RERE: variants seen among roughly 807,000 people sequenced by gnomAD.
The protein encoded by RERE is arginine-glutamic acid dipeptide repeats.
A neutral mutation model predicts 146.1 loss-of-function variants in RERE; 40 were observed. The observed-to-expected ratio is 0.27, with a 90% confidence interval of 0.21 to 0.36. RERE has a LOEUF of 0.36. Among genes scored for constraint, RERE ranks in the 10% least tolerant of loss-of-function variants. The pLI is 1.00. For synonymous variants in RERE, 1,003 were observed against 866.0 expected (o/e 1.16, Z -2.78); for missense variants, 1,933 against 2,138.7 (o/e 0.90, Z 1.90).
intron 1 of RERE, among the ~76,000 whole-genome samples, chr1:8,745,880 G>A (rs1263219162): frequency 6.6e-6 from 1 of 152,140 alleles, no homozygotes; most frequent in Non-Finnish European, 1.5e-5. Flanking sequence ...GACCAGCCTA[G>A]GCAACACAGG....
At chr1:8,363,764 C>A in intron 15 of RERE, 1 of 458,090 alleles carries the variant, frequency 2.2e-6, no homozygotes, top group South Asian at 3.0e-5. Flanking sequence ...AGTGACACCA[C>A]AAGCAGCAGC....
chr1:8,513,526 C>T (rs1050393335), intron 7 of RERE, among the ~76,000 whole-genome samples: 1 of 152,138 alleles, frequency 6.6e-6, no homozygotes, highest in Non-Finnish European at 1.5e-5. Flanking sequence ...TCAACAAGTT[C>T]CCGGCACTCT....
intron 11 of RERE, among the ~76,000 whole-genome samples, chr1:8,464,302 G>A (rs754076476): frequency 6.6e-5 from 10 of 151,986 alleles, no homozygotes; most frequent in Non-Finnish European, 1.0e-4. Flanking sequence ...CTCAGCCCTT[G>A]CCCACCCTCA....
intron 1 of RERE, among the ~76,000 whole-genome samples, chr1:8,731,777 TTTTTTTGTTTG>T (rs969495048): frequency 1.9e-4 from 4 of 20,960 alleles, no homozygotes; most frequent in Non-Finnish European, 3.2e-4. Flanking sequence ...AAACATAATG[TTTTTTTGTTTG>T]TTTGTTTGTT....
chr1:8,538,897 T>C lies in RERE; in HGVS notation c.830+2317A>G, dbSNP rs1210017085. ...ATATTTTAAAACAAACCCGATGGGA[T>C]GTATTGCCCTGAAAGACTGTCAGCA... On this transcript the variant is annotated intron_variant, in intron 7 of 22. Coordinates refer to ENST00000400908, the MANE Select transcript of RERE (RefSeq NM_001042681.2). 2.6e-5 allele frequency among the ~76,000 whole-genome samples: 4 copies of C among 152,344 alleles called. No individual in the cohort carries two copies. The East Asian group carries it at 7.7e-4, about 29-fold the overall frequency.
intron 1 of RERE, among the ~76,000 whole-genome samples, chr1:8,746,687 A>G (rs1384215477): frequency 6.6e-6 from 1 of 151,936 alleles, no homozygotes; most frequent in Non-Finnish European, 1.5e-5. Flanking sequence ...GGTCTGACTT[A>G]CATTACAATT....
chr1:8,571,295 G>C (rs568973128), intron 4 of RERE, among the ~76,000 whole-genome samples: 1 of 152,308 alleles, frequency 6.6e-6, no homozygotes, highest in African/African-American at 2.4e-5. Flanking sequence ...CCTAATTTAT[G>C]TGAATCTAGC....
chr1:8,598,131 G>A (rs1408442194), intron 4 of RERE, among the ~76,000 whole-genome samples: 2 of 152,182 alleles, frequency 1.3e-5, no homozygotes, highest in African/African-American at 4.8e-5. Flanking sequence ...ACATTACTGT[G>A]ACAGAATGCA....
intron 4 of RERE, among the ~76,000 whole-genome samples, chr1:8,558,186 G>A (rs1400824251): frequency 6.6e-6 from 1 of 152,202 alleles, no homozygotes; most frequent in Admixed American, 6.5e-5. Context: ...TGTGAATAAT[G>A]AAGAATTTTA....
intron 12 of RERE, among the ~76,000 whole-genome samples, chr1:8,398,269 AG>A (rs1286469364): frequency 1.3e-5 from 2 of 152,230 alleles, no homozygotes; most frequent in Admixed American, 6.5e-5. Flanking sequence ...GCAGTAGGGA[AG>A]GGGCTTGGAG....
Position 8,354,234 on chromosome 1 carries a change from G to A in RERE, c.*853C>T, listed in dbSNP as rs1253120946. 2.0e-5 allele frequency: 3 copies of A among 152,572 alleles called. No individual in the cohort carries two copies. Among genetic ancestry groups the A allele is most frequent in the African/African-American group, 2.4e-5 (1 of 41,446 alleles). 9.5% of individuals were successfully genotyped at this position (152,572 alleles called of 1,614,324 possible). A position where few individuals can be genotyped will look rare whatever the true frequency, so the allele number is the denominator to read the frequency against. On this transcript the variant is annotated 3_prime_UTR_variant, in exon 23 of 23. Transcript: ENST00000400908. ...ATGGAAGAGGTCTGATGGAGCAGATGTCTGTGCTGCTGGCAGAGCACAGGC... is the reference window on the plus strand; with the variant it reads ...ATGGAAGAGGTCTGATGGAGCAGATATCTGTGCTGCTGGCAGAGCACAGGC...
At chr1:8,515,247 A>G (rs1454402526) in intron 7 of RERE, among the ~76,000 whole-genome samples, 1 of 151,896 alleles carries the variant, frequency 6.6e-6, no homozygotes, top group East Asian at 1.9e-4. Flanking sequence ...CTATAATCCC[A>G]CCTACTCAGG....
intron 4 of RERE, among the ~76,000 whole-genome samples, chr1:8,594,675 T>C (rs1646534189): frequency 6.6e-6 from 1 of 152,152 alleles, no homozygotes; most frequent in Non-Finnish European, 1.5e-5. Context: ...TAAATAATAA[T>C]GTTTAAGACA....
chr1:8,702,465 C>A (rs947228546), intron 1 of RERE, among the ~76,000 whole-genome samples: 3 of 152,204 alleles, frequency 2.0e-5, no homozygotes, highest in African/African-American at 7.2e-5. Flanking sequence ...GCATCCCACA[C>A]TAAAAAATTC....
At chr1:8,743,831 G>C (rs1322296751) in intron 1 of RERE, among the ~76,000 whole-genome samples, 1 of 151,830 alleles carries the variant, frequency 6.6e-6, no homozygotes, top group Non-Finnish European at 1.5e-5. Flanking sequence ...CCAAATCTCA[G>C]CTTGCCATTT....
At chr1:8,371,350 T>C (rs1483872398) in intron 12 of RERE, among the ~76,000 whole-genome samples, 1 of 152,056 alleles carries the variant, frequency 6.6e-6, no homozygotes, top group Non-Finnish European at 1.5e-5. Flanking sequence ...GGCTATACAC[T>C]AAGATGGAGT....
In RERE at chr1:8,656,208, T is replaced by C; in HGVS notation, c.90A>G (p.Arg30=). The part of the protein sequence containing the change: ...DREREKRDKA[R]ESENSRPRRS... ...GGCGTGGCCTTGAATTCTCACTCTC[T>C]CTTGCTTTGTCTCTTTTCTCTCTCT... The change falls in exon 2 of 23, where the codon AGA becomes AGG. Residue 30 remains arginine (R), a synonymous_variant. Coordinates refer to ENST00000400908, the MANE Select transcript of RERE (RefSeq NM_001042681.2). 1 of 1,613,726 alleles carries C rather than the reference T, an allele frequency of 6.2e-7. No individual in the cohort carries two copies. Among genetic ancestry groups the C allele is most frequent in the Non-Finnish European group, 8.5e-7 (1 of 1,179,610 alleles).
At chr1:8,523,171 G>C (rs1236643390) in intron 7 of RERE, among the ~76,000 whole-genome samples, 3 of 152,056 alleles carry the variant, frequency 2.0e-5, no homozygotes, top group Non-Finnish European at 4.4e-5. Flanking sequence ...ATCCAGCCTG[G>C]GTGACAGCGT....
chr1:8,371,673 T>C (rs1570073629), intron 12 of RERE, among the ~76,000 whole-genome samples: 1 of 152,206 alleles, frequency 6.6e-6, no homozygotes, highest in Non-Finnish European at 1.5e-5. Context: ...TCTATCAAGT[T>C]CACACAGACA....
Sources: allele counts gnomAD v4.1 joint callset (sites outside exome capture counted in the v4.1 genomes callset), GRCh38; gene constraint gnomAD v4.1.1; transcripts MANE v1.5; gene names NCBI Gene and HGNC (gene_info 2026-07-23, HGNC 2026-07-21).